Variants in GRIN3B observed in about 807,000 individuals in gnomAD.
GRIN3B encodes the protein glutamate ionotropic receptor NMDA type subunit 3B.
GRIN3B carries 77 observed loss-of-function variants against 66.0 expected under a neutral mutation model. The ratio of observed to expected loss-of-function variants is 1.17; its 90% CI spans 0.97 to 1.41. The LOEUF (loss-of-function observed/expected upper bound fraction) is 1.41, where lower values mean the gene tolerates loss of function less well. Ranked by LOEUF, GRIN3B falls within the 40% of genes most tolerant of loss-of-function variation. The pLI is 0.00. For synonymous variants in GRIN3B, 823 were observed against 749.7 expected, an observed-to-expected ratio of 1.10 and a Z score of -1.60; for missense variants, 1,787 against 1,564.5, an observed-to-expected ratio of 1.14 and a Z score of -2.40.
Position 1,009,625 on chromosome 19 carries a change from C to T in GRIN3B, c.*23C>T, listed in dbSNP as rs751032271. Reference sequence around the variant, plus strand: ...TGAGGCGGCAGCCGGGCCGTTTGGGCTCAAGACACACACACAGCGCAGTGA... The same window carrying T: ...TGAGGCGGCAGCCGGGCCGTTTGGGTTCAAGACACACACACAGCGCAGTGA... On this transcript the variant is annotated 3_prime_UTR_variant, in exon 9 of 9. Coordinates refer to ENST00000234389, the MANE Select transcript of GRIN3B (RefSeq NM_138690.3). The T allele has an allele frequency of 1.1e-5, 15 of 1,404,886 alleles. No homozygotes were observed. Among genetic ancestry groups the T allele is most frequent in the Non-Finnish European group, 1.4e-5 (15 of 1,084,488 alleles). The allele number at this position is 1,404,886 out of a possible 1,614,324, so 87.0% of individuals were successfully genotyped here. A position where few individuals can be genotyped will look rare whatever the true frequency, so the allele number is the denominator to read the frequency against.
Position 1,003,358 on chromosome 19 carries a change from CT to C in GRIN3B, c.656del (p.Leu219ArgfsTer138). The C allele has an allele frequency of 6.3e-7, 1 of 1,578,274 alleles. No homozygotes were observed. The highest frequency in any genetic ancestry group is 8.6e-7 in the Non-Finnish European group (1 of 1,166,516). On this transcript the variant is annotated frameshift_variant, in exon 2 of 9. Coordinates refer to ENST00000234389, the MANE Select transcript of GRIN3B (RefSeq NM_138690.3). LOFTEE classifies it high-confidence loss of function. ...GGGAGATGCAGGACTGCGGGCACGC[CT>C]GGCCCCGATGGCGGCGCCAGTGGGG... is the stretch of plus-strand genomic sequence containing the variant. Reference protein sequence around the residue: ...DTGDAGLRARLAPMAAPVGGE... With the variant: ...DTGDAGLRARXAPMAAPVGGE...
At chr19:1,008,338 G>A in intron 6 of GRIN3B, 47 bp downstream of exon 6, 1 of 1,230,890 alleles carries the variant, frequency 8.1e-7, no homozygotes, top group Non-Finnish European at 1.1e-6. Flanking sequence ...GTGGGCGTGG[G>A]GGGCCCTGAG....
chr19:1,007,636 C>A lies in GRIN3B; in HGVS notation c.2061C>A (p.His687Gln). 6.6e-7 allele frequency: 1 copy of A among 1,513,784 alleles called. No homozygotes were observed. 93.8% of individuals were successfully genotyped at this position (1,513,784 alleles called of 1,614,324 possible). ...LSGIHDPKLH[H>Q]PAQGFRFGTV... ...CGGGGTCCCCCGCGCAGCTGCACCA[C>A]CCGGCGCAGGGCTTCCGCTTCGGCA... Residue 687 changes from histidine (H) to glutamine (Q), a missense_variant, in exon 4 of 9, where the codon CAC becomes CAA. Physicochemically the swap from His to Gln is conservative, Grantham distance 24. Coordinates refer to ENST00000234389, the MANE Select transcript of GRIN3B (RefSeq NM_138690.3). This position sits in a 1 kb window ranked among gnomAD's most constrained non-coding sequence, Gnocchi z 4.4.
At position 1,008,904 on chromosome 19, in the gene GRIN3B, G is replaced by C. The variant is rs1006236973; in HGVS notation, c.2679G>C (p.Glu893Asp). Residue 893 changes from glutamate to aspartate, a missense_variant, in exon 8 of 9, where the codon GAG becomes GAC. By Grantham distance (45) the Glu-to-Asp change is conservative. Transcript: ENST00000234389. ...LNTEPPEGSK[E>D]ETAEAEPSGP... ...CGGAGCCACCAGAGGGGTCGAAGGAGGAGACGGCAGAGGCGGAGCCCAGGT... is the reference window on the plus strand; with the variant it reads ...CGGAGCCACCAGAGGGGTCGAAGGACGAGACGGCAGAGGCGGAGCCCAGGT... The C allele has an allele frequency of 1.2e-6, 2 of 1,610,118 alleles. No homozygotes were observed. The highest frequency in any genetic ancestry group is 2.2e-5 in the South Asian group (2 of 90,738).
chr19:1,005,044 G>A lies in GRIN3B; in HGVS notation c.1543G>A (p.Gly515Ser), dbSNP rs375104717. The A allele has an allele frequency of 1.1e-4, 185 of 1,611,512 alleles. No individual in the cohort carries two copies. Among genetic ancestry groups the A allele is most frequent in the Non-Finnish European group, 1.3e-4 (152 of 1,179,204 alleles). ...YGALRDGRWTGLVGDLLAGRA... is the reference protein window; with the variant it reads ...YGALRDGRWTSLVGDLLAGRA... ...CGCCCTGCGGGACGGCCGCTGGACC[G>A]GCCTGGTCGGGGACCTGCTGGCCGG... Residue 515 changes from glycine to serine, a missense_variant, in exon 3 of 9, where the codon GGC becomes AGC. Coordinates refer to ENST00000234389, the MANE Select transcript of GRIN3B (RefSeq NM_138690.3). The surrounding 1 kb of genome is among the most constrained non-coding windows in gnomAD (Gnocchi z 5.2).
intron 8 of GRIN3B, 39 bp downstream of exon 8, chr19:1,008,966 C>G (rs1407436370): frequency 2.6e-6 from 4 of 1,564,534 alleles, no homozygotes; most frequent in Non-Finnish European, 3.5e-6. Context: ...GCAGGACCAC[C>G]CAGACCCACC....
Position 1,009,554 on chromosome 19 carries a change from C to T in GRIN3B, c.3084C>T (p.Ala1028=). The change falls in exon 9 of 9, where the codon GCC becomes GCT. Residue 1028 remains alanine (A), a synonymous_variant. Transcript: ENST00000234389. The part of the protein sequence containing the change: ...RPRRLLQARA[A]PAEAPPHSGR... Reference sequence around the variant, plus strand: ...GGCGCTTGCTTCAGGCCAGAGCGGCCCCCGCGGAGGCCCCACCACACTCTG... The same window carrying T: ...GGCGCTTGCTTCAGGCCAGAGCGGCTCCCGCGGAGGCCCCACCACACTCTG... 2.2e-6 allele frequency: 2 copies of T among 899,336 alleles called. No homozygotes were observed. The highest frequency in any genetic ancestry group is 3.6e-5 in the Admixed American group (1 of 27,626). The allele number at this position is 899,336 out of a possible 1,614,324, so 55.7% of individuals were successfully genotyped here.
At position 1,009,437 on chromosome 19, in the gene GRIN3B, C is replaced by A; in HGVS notation, c.2967C>A (p.Arg989=). The change falls in exon 9 of 9, where the codon CGC becomes CGA. Residue 989 remains arginine, a synonymous_variant. Coordinates refer to ENST00000234389, the MANE Select transcript of GRIN3B (RefSeq NM_138690.3). ...QPGELQELER[R]IEVARERLRQ... ...GGGAGCTGCAGGAGCTGGAGCGCCG[C>A]ATCGAAGTCGCGCGTGAGCGGCTCC... 1 of 1,461,844 alleles carries A rather than the reference C, an allele frequency of 6.8e-7. No individual in the cohort carries two copies. The highest frequency in any genetic ancestry group is 9.0e-7 in the Non-Finnish European group (1 of 1,113,396). 90.6% of individuals were successfully genotyped at this position (1,461,844 alleles called of 1,614,324 possible). A position where few individuals can be genotyped will look rare whatever the true frequency, so the allele number is the denominator to read the frequency against.
In GRIN3B at chr19:1,003,433, C is replaced by A; in HGVS notation, c.730C>A (p.Arg244Ser). ...GGTCCTCCTCGGCTGTGACATCGCC[C>A]GTGCCCGTCGGGTGCTGGAGGCCGT... ...AAVLLGCDIA[R>S]ARRVLEAVPP... The change falls in exon 2 of 9, where the codon CGT (arginine) becomes AGT (serine). Residue 244 changes from arginine (R) to serine (S), a missense_variant. Transcript: ENST00000234389. The A allele has an allele frequency of 6.5e-7, 1 of 1,542,060 alleles. No individual in the cohort carries two copies.
chr19:1,000,865 T>C lies in GRIN3B; in HGVS notation c.426+2T>C. The C allele has an allele frequency of 7.2e-7, 1 of 1,394,064 alleles. No individual in the cohort carries two copies. The allele number at this position is 1,394,064 out of a possible 1,614,324, so 86.4% of individuals were successfully genotyped here. Reference sequence around the variant, plus strand: ...GCGCGCGCGCCCCTCGGAGCCCCGGTACGCGGGACGCCCGGAGTCAGGACG... The same window carrying C: ...GCGCGCGCGCCCCTCGGAGCCCCGGCACGCGGGACGCCCGGAGTCAGGACG... On this transcript the variant is annotated splice_donor_variant, in intron 1 of 8. Transcript: ENST00000234389. LOFTEE classifies it high-confidence loss of function.
Position 1,008,084 on chromosome 19 carries a change from C to T in GRIN3B, c.2315-56C>T, listed in dbSNP as rs1486271678. The stretch of plus-strand genomic sequence containing the variant: ...AGGGGCGAAATCCCACGTGTGCGGG[C>T]AGAGTTCCCCTGGGGCTGTCCCACC... On this transcript the variant is annotated intron_variant, in intron 5 of 8. Transcript: ENST00000234389. The T allele has an allele frequency of 1.9e-6, 3 of 1,563,730 alleles. No individual in the cohort carries two copies. In the African/African-American group the frequency reaches 4.1e-5, roughly 21 times the overall value.
chr19:1,003,294 G>T lies in GRIN3B; in HGVS notation c.591G>T (p.Arg197=), dbSNP rs962997546. The part of the protein sequence containing the change: ...LVALWTSRAG[R]PPQLVLDLSR... ...CCCTCTGGACAAGCCGGGCTGGCCG[G>T]CCCCCACAGCTGGTCCTGGACCTAA... Residue 197 remains arginine (R), a synonymous_variant, in exon 2 of 9, where the codon CGG becomes CGT. Coordinates refer to ENST00000234389, the MANE Select transcript of GRIN3B (RefSeq NM_138690.3). 3.2e-6 allele frequency: 5 copies of T among 1,570,444 alleles called. No individual in the cohort carries two copies. Among genetic ancestry groups the T allele is most frequent in the Non-Finnish European group, 3.4e-6 (4 of 1,160,238 alleles).
In GRIN3B at chr19:1,008,326, G is replaced by A. The variant is rs1239468745; in HGVS notation, c.2466+35G>A. 4.3e-6 allele frequency: 4 copies of A among 922,112 alleles called. No individual in the cohort carries two copies. In the East Asian group the frequency reaches 7.9e-5, roughly 18 times the overall value. The allele number at this position is 922,112 out of a possible 1,614,324, so 57.1% of individuals were successfully genotyped here. ...GGCCTGGGACAGAGGGTGGGGGTGG[G>A]GGTGGGCGTGGGGGGCCCTGAGCCT... is the stretch of plus-strand genomic sequence containing the variant. On this transcript the variant is annotated intron_variant, in intron 6 of 8. Coordinates refer to ENST00000234389, the MANE Select transcript of GRIN3B (RefSeq NM_138690.3).
In GRIN3B at chr19:1,003,182, A is replaced by G; in HGVS notation, c.479A>G (p.Asp160Gly). Residue 160 changes from aspartate (D) to glycine (G), a missense_variant, in exon 2 of 9, where the codon GAT (aspartate) becomes GGT (glycine). Asp to Gly is a moderately conservative substitution (Grantham distance 94). Coordinates refer to ENST00000234389, the MANE Select transcript of GRIN3B (RefSeq NM_138690.3). ...HWASPLETLL[D>G]VLVAVLQAHA... The stretch of plus-strand genomic sequence containing the variant: ...GCCAGCCCCCTGGAGACGCTGCTGG[A>G]TGTGCTGGTGGCGGTGCTGCAGGCG... 2 of 1,510,490 alleles carry G rather than the reference A, an allele frequency of 1.3e-6. No homozygotes were observed. Among genetic ancestry groups the G allele is most frequent in the South Asian group, 2.6e-5 (2 of 76,146 alleles). The allele number at this position is 1,510,490 out of a possible 1,614,324, so 93.6% of individuals were successfully genotyped here. A position where few individuals can be genotyped will look rare whatever the true frequency, so the allele number is the denominator to read the frequency against.
intron 6 of GRIN3B, 143 bp from the exon 7 acceptor site, chr19:1,008,475 C>A: frequency 1.8e-6 from 2 of 1,082,342 alleles, no homozygotes; most frequent in Non-Finnish European, 2.6e-6. Context: ...CTCACTCCCC[C>A]CAGCCATGGA....
chr19:1,002,896 A>C (rs4807397), intron 1 of GRIN3B: 20 of 399,528 alleles, frequency 5.0e-5, no homozygotes, highest in Non-Finnish European at 7.5e-5. Flanking sequence ...AAAAAACACC[A>C]AGTGTGCCCA....
chr19:1,004,350 G>A (rs1356935892), intron 2 of GRIN3B, among the ~76,000 whole-genome samples, 171 bp from the exon 3 acceptor site: 1 of 152,168 alleles, frequency 6.6e-6, no homozygotes, highest in East Asian at 1.9e-4. Context: ...GATGCCCCGG[G>A]ATCAAGGGGT....
At chr19:1,003,085 G>T in intron 1 of GRIN3B, 45 bp from the exon 2 acceptor site, 1 of 1,320,094 alleles carries the variant, frequency 7.6e-7, no homozygotes, top group Non-Finnish European at 1.0e-6. Flanking sequence ...AGGGTTTTGT[G>T]GGGGTGGAGG....
chr19:1,003,771 C>T (rs35835762), intron 2 of GRIN3B, 49 bp downstream of exon 2: 1 of 1,304,764 alleles, frequency 7.7e-7, no homozygotes, highest in Non-Finnish European at 1.0e-6. Flanking sequence ...GCCACTGAGT[C>T]TGCACTGCTC....
Sources: allele counts gnomAD v4.1 joint callset (sites outside exome capture counted in the v4.1 genomes callset), GRCh38; gene constraint gnomAD v4.1.1; non-coding constraint Gnocchi (gnomAD v3.1); transcripts MANE v1.5; gene names NCBI Gene and HGNC (gene_info 2026-07-23, HGNC 2026-07-21).